Variants in CEP120 observed in about 807,000 individuals in gnomAD.
CEP120 encodes the protein centrosomal protein of 120 kDa.
CEP120 carries 113 observed loss-of-function variants against 126.5 expected under a neutral mutation model. That is an observed-to-expected ratio of 0.89 (90% CI 0.77 to 1.04). CEP120 has a LOEUF of 1.04. Among genes scored for constraint, CEP120 ranks in the 50% least tolerant of loss-of-function variants. The pLI is 0.00. For missense variants in CEP120, 1,230 were observed against 1,155.7 expected, an observed-to-expected ratio of 1.06 and a Z score of -0.93; for synonymous variants, 400 against 394.3, an observed-to-expected ratio of 1.01 and a Z score of -0.17.
At chr5:123,355,677 T>C (rs534267007) in intron 18 of CEP120, among the ~76,000 whole-genome samples, 1 of 152,166 alleles carries the variant, frequency 6.6e-6, no homozygotes, top group South Asian at 2.1e-4. Context: ...AGATTCTGGA[T>C]ATTAGCCCTT....
intron 14 of CEP120, among the ~76,000 whole-genome samples, chr5:123,379,909 A>C (rs1271055492): frequency 5.9e-5 from 9 of 152,094 alleles, no homozygotes; most frequent in Admixed American, 5.9e-4. Flanking sequence ...TATCTACAGA[A>C]CACTTCCTTA....
chr5:123,388,693 A>C, intron 8 of CEP120, 87 bp from the exon 9 acceptor site: 2 of 1,072,962 alleles, frequency 1.9e-6, no homozygotes, highest in Non-Finnish European at 2.5e-6. Flanking sequence ...CTATCATCTC[A>C]TTTACCTTTA....
intron 18 of CEP120, among the ~76,000 whole-genome samples, chr5:123,363,064 G>A (rs568542993): frequency 6.6e-6 from 1 of 151,624 alleles, no homozygotes; most frequent in East Asian, 2.0e-4. Context: ...AAATGACTTA[G>A]AAAACGGGCC....
intron 11 of CEP120, among the ~76,000 whole-genome samples, chr5:123,384,606 A>G (rs1771895861): frequency 6.6e-6 from 1 of 152,178 alleles, no homozygotes; most frequent in Admixed American, 6.6e-5. Context: ...AATATAAAAT[A>G]CATTATAAAG....
chr5:123,411,644 T>C (rs1016418267), intron 4 of CEP120, among the ~76,000 whole-genome samples: 27 of 152,026 alleles, frequency 1.8e-4, no homozygotes, highest in African/African-American at 6.3e-4. Context: ...AAGGCAAAAC[T>C]ATGGAGACAG....
intron 5 of CEP120, among the ~76,000 whole-genome samples, chr5:123,394,046 C>T (rs767381601): frequency 6.6e-5 from 10 of 152,168 alleles, no homozygotes; most frequent in Non-Finnish European, 1.2e-4. Flanking sequence ...TTCAGAGTTG[C>T]TAGTTTCATG....
rs1038886116 is a variant in CEP120 at position 123,386,527 on chromosome 5, G to A, written c.1571C>T (p.Thr524Ile). Residue 524 changes from threonine (T) to isoleucine (I), a missense_variant, in exon 10 of 20, where the codon ACC (threonine) becomes ATC (isoleucine). Physicochemically the swap from Thr to Ile is moderately conservative, Grantham distance 89. Coordinates refer to ENST00000306467, the MANE Select transcript of CEP120 (RefSeq NM_001375405.1). The part of the protein sequence containing the change: ...FATMPHQLQD[T>I]FLRIPLLVEL... ...ACACTGTATGCATTACCTTAAGAAG[G>A]TGTCTTGCAGCTGATGAGGCATAGT... The A allele has an allele frequency of 1.3e-6, 2 of 1,563,952 alleles. No individual in the cohort carries two copies. The highest frequency in any genetic ancestry group is 1.4e-5 in the African/African-American group (1 of 71,978).
intron 5 of CEP120, among the ~76,000 whole-genome samples, chr5:123,396,357 T>C (rs1352950541): frequency 1.3e-5 from 2 of 152,108 alleles, no homozygotes; most frequent in African/African-American, 2.4e-5. Flanking sequence ...CTGTTTAACT[T>C]TGTGAGGAAT....
chr5:123,369,306 T>C (rs1380410746), intron 17 of CEP120, among the ~76,000 whole-genome samples: 2 of 152,066 alleles, frequency 1.3e-5, no homozygotes, highest in Non-Finnish European at 2.9e-5. Context: ...CATTTAACTC[T>C]GTTATCAACC....
chr5:123,349,856 T>C (rs542396098), intron 19 of CEP120, 88 bp downstream of exon 19: 7 of 994,364 alleles, frequency 7.0e-6, no homozygotes, highest in Non-Finnish European at 7.5e-6. Context: ...TTTTTATATA[T>C]GATCTACTTT....
chr5:123,382,625 A>G, intron 13 of CEP120, 112 bp downstream of exon 13: 1 of 963,274 alleles, frequency 1.0e-6, no homozygotes, highest in South Asian at 2.5e-5. Context: ...TTGACATTCA[A>G]AGAAGTTAGA....
At chr5:123,373,878 T>C (rs1362642888) in intron 16 of CEP120, among the ~76,000 whole-genome samples, 1 of 152,026 alleles carries the variant, frequency 6.6e-6, no homozygotes, top group Non-Finnish European at 1.5e-5. Context: ...GCTCCAGATC[T>C]TGAATTTAGA....
chr5:123,377,668 TAG>T lies in CEP120; in HGVS notation c.2197-135_2197-134del, dbSNP rs954314662. ...TTATTTTCATATCTTTTTTAGTTAT[TAG>T]AGAGTTAATGTTCAAGTGTACCATT... is the stretch of plus-strand genomic sequence containing the variant. On this transcript the variant is annotated intron_variant, in intron 15 of 19. Coordinates refer to ENST00000306467, the MANE Select transcript of CEP120 (RefSeq NM_001375405.1). 5.6e-5 allele frequency: 38 copies of T among 681,328 alleles called. No homozygotes were observed. The African/African-American group carries it at 5.9e-4, about 10-fold the overall frequency. The allele number at this position is 681,328 out of a possible 1,614,324, so 42.2% of individuals were successfully genotyped here.
intron 18 of CEP120, among the ~76,000 whole-genome samples, chr5:123,354,999 T>C (rs1769482328): frequency 6.7e-6 from 1 of 149,208 alleles, no homozygotes; most frequent in African/African-American, 2.5e-5. Flanking sequence ...TGTGTTCTCA[T>C]TGTTCAATTC....
intron 5 of CEP120, among the ~76,000 whole-genome samples, chr5:123,398,393 T>C (rs566482330): frequency 6.6e-6 from 1 of 152,268 alleles, no homozygotes; most frequent in East Asian, 1.9e-4. Flanking sequence ...ACCACTCTTT[T>C]ACTCAGCCCA....
At position 123,391,334 on chromosome 5, in the gene CEP120, G is replaced by C. The variant is rs746952696; in HGVS notation, c.814C>G (p.His272Asp). The C allele has an allele frequency of 6.2e-7, 1 of 1,607,248 alleles. No homozygotes were observed. The highest frequency in any genetic ancestry group is 8.5e-7 in the Non-Finnish European group (1 of 1,174,046). ...AGTGACTGGTCTCCACAGCAGAGGTGAATCTAATATGAAAGGGAAAAATCA... is the reference window on the plus strand; with the variant it reads ...AGTGACTGGTCTCCACAGCAGAGGTCAATCTAATATGAAAGGGAAAAATCA... Reference protein sequence around the residue: ...YLALQSKLQIHLCCGDQSLGS... With the variant: ...YLALQSKLQIDLCCGDQSLGS... The change falls in exon 7 of 20, where the codon CAC becomes GAC. Residue 272 changes from histidine (H) to aspartate (D), a missense_variant. Transcript: ENST00000306467.
chr5:123,414,721 C>T (rs1179694996), intron 3 of CEP120, among the ~76,000 whole-genome samples: 2 of 152,036 alleles, frequency 1.3e-5, no homozygotes. Flanking sequence ...AATCCCAACA[C>T]TCTGGGAGGC....
intron 2 of CEP120, among the ~76,000 whole-genome samples, chr5:123,417,825 A>G (rs1310012467): frequency 1.3e-5 from 2 of 152,302 alleles, no homozygotes; most frequent in East Asian, 1.9e-4. Context: ...AAAACAAGTT[A>G]CTAATACTTA....
At chr5:123,377,162 A>C (rs1043582518) in intron 16 of CEP120, among the ~76,000 whole-genome samples, 1 of 152,134 alleles carries the variant, frequency 6.6e-6, no homozygotes, top group African/African-American at 2.4e-5. Flanking sequence ...AAAAAGATTT[A>C]AGTTGGAAAT....
Sources: allele counts gnomAD v4.1 joint callset (sites outside exome capture counted in the v4.1 genomes callset), GRCh38; gene constraint gnomAD v4.1.1; transcripts MANE v1.5; gene names NCBI Gene and HGNC (gene_info 2026-07-23, HGNC 2026-07-21).